The following CNTNAP4 variants were observed in gnomAD, a reference collection of about 807,000 sequenced individuals.
The protein encoded by CNTNAP4 is contactin-associated protein-like 4.
A neutral mutation model predicts 148.4 loss-of-function variants in CNTNAP4; 98 were observed. The observed-to-expected ratio is 0.66, with a 90% CI of 0.56 to 0.78. The LOEUF (loss-of-function observed/expected upper bound fraction) is 0.78, where lower values mean the gene tolerates loss of function less well. Ranked by LOEUF, CNTNAP4 falls within the 30% of genes least tolerant of loss-of-function variation. The pLI, the probability that CNTNAP4 is intolerant of heterozygous loss-of-function variation, is 0.00. For missense variants in CNTNAP4, 1,935 were observed against 1,565.6 expected, an observed-to-expected ratio of 1.24 and a Z score of -3.98; for synonymous variants, 730 against 565.1, an observed-to-expected ratio of 1.29 and a Z score of -4.14.
chr16:76,517,567 G>GTATTAGCA (rs1346465281), intron 15 of CNTNAP4, among the ~76,000 whole-genome samples: 4 of 152,214 alleles, frequency 2.6e-5, no homozygotes, highest in Non-Finnish European at 5.9e-5. Flanking sequence ...AAGAAAGGTA[G>GTATTAGCA]TGTTAGCATG....
intron 11 of CNTNAP4, among the ~76,000 whole-genome samples, chr16:76,478,724 C>T (rs1019193343): frequency 3.3e-5 from 5 of 151,982 alleles, no homozygotes; most frequent in Non-Finnish European, 7.4e-5. Context: ...TCCAAACATC[C>T]GATTATGGAT....
At chr16:76,472,621 G>A (rs1279631189) in intron 10 of CNTNAP4, among the ~76,000 whole-genome samples, 4 of 152,202 alleles carry the variant, frequency 2.6e-5, no homozygotes, top group Non-Finnish European at 5.9e-5. Flanking sequence ...ATTCCATGGT[G>A]TATAGGTACC....
At chr16:76,421,160 A>G (rs1265125061) in intron 3 of CNTNAP4, among the ~76,000 whole-genome samples, 1 of 152,078 alleles carries the variant, frequency 6.6e-6, no homozygotes, top group Non-Finnish European at 1.5e-5. Flanking sequence ...ATATTTTATA[A>G]CTTGTATCTC....
intron 4 of CNTNAP4, among the ~76,000 whole-genome samples, chr16:76,445,390 T>G (rs953455014): frequency 2.6e-5 from 4 of 152,176 alleles, no homozygotes; most frequent in African/African-American, 9.7e-5. Flanking sequence ...ATATTTATGT[T>G]GAATTTTTTT....
rs368918089 is a variant in CNTNAP4 at position 76,456,847 on chromosome 16, C to A, written c.1333+4078C>A. ...GAGTCAGTCTTGGTTTTCTGTTTTC[C>A]TTCAGCTATCCAGCAGCTGGATGTG... On this transcript the variant is annotated intron_variant, in intron 8 of 23. Transcript: ENST00000611870. 3.3e-5 allele frequency among the ~76,000 whole-genome samples: 5 copies of A among 152,206 alleles called. No homozygotes were observed. In the East Asian group the frequency reaches 9.7e-4, roughly 29 times the overall value.
chr16:76,365,249 T>A (rs1336438206), intron 3 of CNTNAP4, among the ~76,000 whole-genome samples: 1 of 152,152 alleles, frequency 6.6e-6, no homozygotes, highest in African/African-American at 2.4e-5. Context: ...TGTTTTGATA[T>A]CAGTACCATG....
At chr16:76,495,399 G>T (rs1179031764) in intron 14 of CNTNAP4, among the ~76,000 whole-genome samples, 1 of 151,900 alleles carries the variant, frequency 6.6e-6, no homozygotes, top group African/African-American at 2.4e-5. Flanking sequence ...TACAGCCAAA[G>T]CACATTTCTT....
intron 2 of CNTNAP4, among the ~76,000 whole-genome samples, chr16:76,318,772 C>A (rs9319494): frequency 0.28 from 40,538 of 146,720 alleles, 6,149 homozygotes; most frequent in Non-Finnish European, 0.35. Context: ...TAATAATAAT[C>A]ATAATCATAA....
At chr16:76,402,361 G>GT (rs544770117) in intron 3 of CNTNAP4, among the ~76,000 whole-genome samples, 53 of 136,330 alleles carry the variant, frequency 3.9e-4, no homozygotes, top group African/African-American at 1.1e-3. Context: ...GATGTTTGGT[G>GT]TTTTTTTTTT....
chr16:76,537,241 T>C (rs1031644883), intron 18 of CNTNAP4, among the ~76,000 whole-genome samples: 1 of 152,078 alleles, frequency 6.6e-6, no homozygotes, highest in Non-Finnish European at 1.5e-5. Context: ...ATAAAATGCG[T>C]GTTATAGATA....
At chr16:76,336,127 C>T (rs983032531) in intron 2 of CNTNAP4, among the ~76,000 whole-genome samples, 4 of 151,956 alleles carry the variant, frequency 2.6e-5, no homozygotes, top group Admixed American at 6.6e-5. Flanking sequence ...GACTGACTTC[C>T]TCTGGGATGA....
At chr16:76,429,804 C>G (rs1181855888) in intron 4 of CNTNAP4, among the ~76,000 whole-genome samples, 2 of 152,124 alleles carry the variant, frequency 1.3e-5, no homozygotes, top group Non-Finnish European at 2.9e-5. Context: ...TTGGGGTGAG[C>G]ATACTGTCCA....
intron 3 of CNTNAP4, among the ~76,000 whole-genome samples, chr16:76,420,263 A>G (rs1307716146): frequency 1.3e-5 from 2 of 151,772 alleles, no homozygotes; most frequent in African/African-American, 2.4e-5. Flanking sequence ...AGAATAATGT[A>G]TATTCTATAG....
At chr16:76,488,162 G>A (rs1470572798) in intron 12 of CNTNAP4, among the ~76,000 whole-genome samples, 3 of 152,062 alleles carry the variant, frequency 2.0e-5, no homozygotes, top group Non-Finnish European at 2.9e-5. Context: ...TTCAGACCTC[G>A]TTCTGCCAAT....
chr16:76,289,034 T>G (rs1256334501), intron 1 of CNTNAP4, among the ~76,000 whole-genome samples: 1 of 151,944 alleles, frequency 6.6e-6, no homozygotes, highest in Non-Finnish European at 1.5e-5. Context: ...TCTTACTATT[T>G]CTCACTATCT....
chr16:76,554,857 A>T (rs550984791), intron 23 of CNTNAP4, among the ~76,000 whole-genome samples: 1 of 152,084 alleles, frequency 6.6e-6, no homozygotes, highest in East Asian at 1.9e-4. Context: ...AAAACTTCTC[A>T]TGTGGCTTTC....
chr16:76,495,133 G>C (rs896308958), intron 14 of CNTNAP4, 67 bp downstream of exon 14: 26 of 1,534,032 alleles, frequency 1.7e-5, no homozygotes, highest in Non-Finnish European at 2.3e-5. Flanking sequence ...CTCAAAGTAT[G>C]TATAGCTAGC....
At chr16:76,504,747 A>G (rs2082778229) in intron 15 of CNTNAP4, among the ~76,000 whole-genome samples, 1 of 152,192 alleles carries the variant, frequency 6.6e-6, no homozygotes, top group African/African-American at 2.4e-5. Flanking sequence ...ATATAAAAGT[A>G]ACTCTCTCGT....
chr16:76,381,529 T>C (rs1199077305), intron 3 of CNTNAP4, among the ~76,000 whole-genome samples: 1 of 152,192 alleles, frequency 6.6e-6, no homozygotes, highest in African/African-American at 2.4e-5. Flanking sequence ...CAGCTTCTAC[T>C]TCCTTCAGGT....
Sources: gnomAD v4.1 joint callset for allele counts (sites outside exome capture counted in the v4.1 genomes callset) on GRCh38, gnomAD v4.1.1 for gene constraint, MANE v1.5 for transcripts, NCBI Gene and HGNC (gene_info 2026-07-23, HGNC 2026-07-21) for gene names.